Variants in TTC7A observed in about 807,000 individuals in gnomAD.
TTC7A encodes the protein tetratricopeptide repeat domain 7A.
TTC7A carries 110 observed loss-of-function variants against 103.7 expected under a neutral mutation model. The ratio of observed to expected loss-of-function variants is 1.06; its 90% CI spans 0.91 to 1.24. The LOEUF is 1.24. Ranked by LOEUF, TTC7A falls within the 50% of genes most tolerant of loss-of-function variation. TTC7A has a pLI of 0.00. For missense variants in TTC7A, 1,340 were observed against 1,116.3 expected (o/e 1.20, Z -2.86); for synonymous variants, 521 against 467.9 (o/e 1.11, Z -1.47).
At position 46,978,809 on chromosome 2, in the gene TTC7A, G is replaced by C. The variant is rs374954171; in HGVS notation, c.666G>C (p.Thr222=). Residue 222 remains threonine (T), a synonymous_variant, in exon 5 of 20, where the codon ACG becomes ACC. Coordinates refer to ENST00000319190, the MANE Select transcript of TTC7A (RefSeq NM_020458.4). ...CTTCCCAGACCACAAATAACAGCAC[G>C]TCGAGGCATCTGAAAGGCTGTCACC... is the stretch of plus-strand genomic sequence containing the variant. ...QELEKTTNNS[T]SRHLKGCHPL... is the part of the protein sequence containing the mutation. 2.5e-6 allele frequency: 4 copies of C among 1,613,918 alleles called. No individual in the cohort carries two copies. Among genetic ancestry groups the C allele is most frequent in the East Asian group, 2.2e-5 (1 of 44,860 alleles).
chr2:47,010,191 T>C (rs1020914409), intron 10 of TTC7A, among the ~76,000 whole-genome samples: 4 of 152,188 alleles, frequency 2.6e-5, no homozygotes, highest in South Asian at 2.1e-4. Context: ...CAGACTCTTT[T>C]CTGTAAAGGG....
intron 2 of TTC7A, among the ~76,000 whole-genome samples, chr2:46,923,587 A>G (rs1669223028): frequency 1.3e-5 from 2 of 152,174 alleles, no homozygotes; most frequent in Admixed American, 1.3e-4. Context: ...CCCTTGTTGC[A>G]GTCTCCATTA....
intron 19 of TTC7A, among the ~76,000 whole-genome samples, chr2:47,073,038 C>T (rs1399512767): frequency 6.6e-6 from 1 of 152,160 alleles, no homozygotes; most frequent in Admixed American, 6.5e-5. Flanking sequence ...ATCTTTCAGC[C>T]AATCCAGCCC....
chr2:46,949,692 C>G (rs1671238134), intron 1 of TTC7A, among the ~76,000 whole-genome samples: 1 of 152,188 alleles, frequency 6.6e-6, no homozygotes, highest in African/African-American at 2.4e-5. Context: ...TCCCACCTAA[C>G]TCTACTGTGG....
rs1669618195 is a variant in TTC7A at position 46,930,199 on chromosome 2, G to A, written c.82+12922G>A. Among the ~76,000 whole-genome samples, 4 of 152,020 alleles carry A rather than the reference G, an allele frequency of 2.6e-5. No individual in the cohort carries two copies. In the South Asian group the frequency reaches 8.3e-4, roughly 32 times the overall value. On this transcript the variant is annotated intron_variant, in intron 2 of 20. Coordinates refer to the TTC7A transcript ENST00000409245. ...ATGCAGTGGAAAGCAACATGTAATA[G>A]AGAGGATCATTATAAACAAAAACTG... is the stretch of plus-strand genomic sequence containing the variant.
intron 18 of TTC7A, among the ~76,000 whole-genome samples, chr2:47,055,394 C>T (rs898959005): frequency 1.3e-5 from 2 of 152,182 alleles, no homozygotes; most frequent in Non-Finnish European, 2.9e-5. Flanking sequence ...CCTTCCAATT[C>T]CAGTCCAGTG....
intron 2 of TTC7A, among the ~76,000 whole-genome samples, chr2:46,919,983 A>G (rs1669015329): frequency 6.6e-6 from 1 of 152,186 alleles, no homozygotes; most frequent in African/African-American, 2.4e-5. Flanking sequence ...TGTGGTGTTA[A>G]AAGCTTGGAA....
rs747509395 is a variant in TTC7A at position 47,060,873 on chromosome 2, C to T, written c.2257C>T (p.Arg753Trp). Reference protein sequence around the residue: ...TSHSVLYMRGRLAEVKGNLEE... With the variant: ...TSHSVLYMRGWLAEVKGNLEE... ...TCACTCAGTACTCTATATGCGGGGCCGGCTGGCTGAGGTGAAGGGCAACCT... is the reference window on the plus strand; with the variant it reads ...TCACTCAGTACTCTATATGCGGGGCTGGCTGGCTGAGGTGAAGGGCAACCT... The change falls in exon 19 of 20, where the codon CGG (arginine) becomes TGG (tryptophan). Residue 753 changes from arginine (R) to tryptophan (W), a missense_variant. Arg to Trp is a moderately radical substitution (Grantham distance 101). Coordinates refer to ENST00000319190, the MANE Select transcript of TTC7A (RefSeq NM_020458.4). 98 of 1,614,024 alleles carry T rather than the reference C, an allele frequency of 6.1e-5. No homozygotes were observed. Among genetic ancestry groups the T allele is most frequent in the Non-Finnish European group, 7.8e-5 (92 of 1,180,010 alleles).
Position 46,993,514 on chromosome 2 carries a change from C to A in TTC7A, c.829C>A (p.Gln277Lys). Residue 277 changes from glutamine (Q) to lysine (K), a missense_variant, in exon 6 of 20, where the codon CAG (glutamine) becomes AAG (lysine). Coordinates refer to ENST00000319190, the MANE Select transcript of TTC7A (RefSeq NM_020458.4). ...GCGGACTGTGGAGACCAAAGCAACTCAGAACTTCAAAGTGGTAATGTGGGG... is the reference window on the plus strand; with the variant it reads ...GCGGACTGTGGAGACCAAAGCAACTAAGAACTTCAAAGTGGTAATGTGGGG... The part of the protein sequence containing the change: ...VLRTVETKAT[Q>K]NFKVMAAKHL... 1 of 1,614,070 alleles carries A rather than the reference C, an allele frequency of 6.2e-7. No individual in the cohort carries two copies. The highest frequency in any genetic ancestry group is 1.3e-5 in the African/African-American group (1 of 75,006).
At chr2:46,932,153 CT>C (rs1173541336) in intron 2 of TTC7A, among the ~76,000 whole-genome samples, 7,493 of 143,770 alleles carry the variant, frequency 0.052, 171 homozygotes, top group African/African-American at 0.059. Flanking sequence ...TTCTGGGATT[CT>C]TTTTTTTTTT....
At chr2:47,023,855 C>T (rs945178035) in intron 13 of TTC7A, among the ~76,000 whole-genome samples, 4 of 151,578 alleles carry the variant, frequency 2.6e-5, no homozygotes, top group Admixed American at 2.6e-4. Flanking sequence ...GCCACCCCTC[C>T]CACTAAACCC....
chr2:46,928,043 C>T (rs1266015966), intron 2 of TTC7A, among the ~76,000 whole-genome samples: 1 of 151,522 alleles, frequency 6.6e-6, no homozygotes, highest in Non-Finnish European at 1.5e-5. Flanking sequence ...TGGCATACAC[C>T]ACCACGCCCA....
chr2:47,064,779 T>C (rs1300830269), intron 19 of TTC7A, among the ~76,000 whole-genome samples: 1 of 152,174 alleles, frequency 6.6e-6, no homozygotes, highest in African/African-American at 2.4e-5. Context: ...TGGTTGGTCA[T>C]GAAGCTGAGA....
At chr2:46,943,641 GTCCTTT>G (rs1253907283) in intron 1 of TTC7A, among the ~76,000 whole-genome samples, 1 of 152,198 alleles carries the variant, frequency 6.6e-6, no homozygotes, top group Admixed American at 6.5e-5. Flanking sequence ...TGCTGTTTTG[GTCCTTT>G]CTCTACAGGG....
chr2:46,980,362 G>C (rs13406452), intron 5 of TTC7A, among the ~76,000 whole-genome samples: 49,043 of 151,668 alleles, frequency 0.32, 9,083 homozygotes, highest in East Asian at 0.66. Flanking sequence ...TGGGACAACA[G>C]GCATGCACCA....
intron 8 of TTC7A, among the ~76,000 whole-genome samples, chr2:46,998,012 G>C (rs1362160249): frequency 6.6e-6 from 1 of 152,098 alleles, no homozygotes; most frequent in East Asian, 1.9e-4. Flanking sequence ...TTTCCCTTTT[G>C]TAAGACAGTG....
At chr2:46,995,074 G>A in intron 7 of TTC7A, 62 bp from the exon 8 acceptor site, 4 of 1,529,106 alleles carry the variant, frequency 2.6e-6, no homozygotes. Context: ...TGGCATGGTG[G>A]GTCAGTGGTG....
chr2:47,029,900 G>T (rs1680336985), intron 15 of TTC7A, among the ~76,000 whole-genome samples: 1 of 152,208 alleles, frequency 6.6e-6, no homozygotes, highest in African/African-American at 2.4e-5. Flanking sequence ...TTGGAGCAGG[G>T]TTTAAGTTGC....
intron 15 of TTC7A, among the ~76,000 whole-genome samples, chr2:47,032,983 T>C (rs1393427620): frequency 1.3e-5 from 2 of 151,126 alleles, no homozygotes; most frequent in Admixed American, 6.6e-5. Context: ...TGAGTGACCA[T>C]AGGGTATGAC....
Sources: gnomAD v4.1 joint callset for allele counts (sites outside exome capture counted in the v4.1 genomes callset) on GRCh38, gnomAD v4.1.1 for gene constraint, MANE v1.5 for transcripts, NCBI Gene and HGNC (gene_info 2026-07-23, HGNC 2026-07-21) for gene names.